The following ENTPD1 variants were observed in gnomAD, a reference collection of about 807,000 sequenced individuals.
ENTPD1 encodes ATP diphosphohydrolase.
In ENTPD1, 33 loss-of-function variants were observed where a neutral mutation model predicts 57.0. That is an observed-to-expected ratio of 0.58 (90% CI 0.44 to 0.77). The LOEUF (loss-of-function observed/expected upper bound fraction) is 0.77, where lower values mean the gene tolerates loss of function less well. Among genes scored for constraint, ENTPD1 ranks in the 30% least tolerant of loss-of-function variants. The probability of loss-of-function intolerance (pLI) is 0.00; values close to 1 mark genes in which losing one functional copy is unlikely to be tolerated. For missense variants in ENTPD1, 501 were observed against 603.4 expected (o/e 0.83, Z 1.78); for synonymous variants, 202 against 218.8 (o/e 0.92, Z 0.68).
At chr10:95,761,435 T>C (rs2098062168) in intron 1 of ENTPD1, among the ~76,000 whole-genome samples, 1 of 152,170 alleles carries the variant, frequency 6.6e-6, no homozygotes, top group Admixed American at 6.5e-5. Flanking sequence ...AGACCACACT[T>C]TGACTGGCAA....
intron 1 of ENTPD1, among the ~76,000 whole-genome samples, chr10:95,737,888 A>G (rs2097996366): frequency 6.6e-6 from 1 of 152,200 alleles, no homozygotes. Flanking sequence ...ATCTATAACT[A>G]TGATAGGTGG....
chr10:95,764,952 C>T (rs1038565742), intron 1 of ENTPD1, among the ~76,000 whole-genome samples: 1 of 152,074 alleles, frequency 6.6e-6, no homozygotes, highest in Admixed American at 6.5e-5. Flanking sequence ...GAACTCCTGA[C>T]CTCAGGTGAT....
intron 2 of ENTPD1, 148 bp downstream of exon 2, chr10:95,823,512 G>A: frequency 1.6e-6 from 2 of 1,226,520 alleles, no homozygotes; most frequent in Non-Finnish European, 2.3e-6. Flanking sequence ...GATTAGGGGA[G>A]TAAAATGGAA....
intron 1 of ENTPD1, among the ~76,000 whole-genome samples, chr10:95,745,943 C>T (rs1321057493): frequency 1.3e-5 from 2 of 152,198 alleles, no homozygotes; most frequent in East Asian, 1.9e-4. Flanking sequence ...AATAGGAAGA[C>T]ATGGGTGATC....
rs1762455568 is a variant in ENTPD1, at chr10:95,870,532, G to T, written c.*4149G>T. ...GCCCTCAAGCAATCCTCCTGCCTTG[G>T]CCTCCCAAAGTGTTGAGATTACAGG... On this transcript the variant is annotated 3_prime_UTR_variant, in exon 10 of 10. Transcript: ENST00000371205. 1 of 979,916 alleles carries T rather than the reference G, an allele frequency of 1.0e-6. No homozygotes were observed. The highest frequency in any genetic ancestry group is 1.2e-6 in the Non-Finnish European group (1 of 824,988). The allele number at this position is 979,916 out of a possible 1,614,324, so 60.7% of individuals were successfully genotyped here. A position where few individuals can be genotyped will look rare whatever the true frequency, so the allele number is the denominator to read the frequency against.
chr10:95,820,765 T>G (rs1431823644), intron 1 of ENTPD1, among the ~76,000 whole-genome samples: 3 of 152,276 alleles, frequency 2.0e-5, no homozygotes, highest in Non-Finnish European at 4.4e-5. Flanking sequence ...GCACATATTG[T>G]GACCTGAAAT....
chr10:95,722,245 T>TA (rs1555273520), intron 1 of ENTPD1, among the ~76,000 whole-genome samples: 3 of 151,554 alleles, frequency 2.0e-5, no homozygotes, highest in Non-Finnish European at 4.4e-5. Context: ...GTTTTTTTTT[T>TA]ATTATCCCAA....
In ENTPD1 at chr10:95,829,331, G is replaced by A. The variant is rs540729036; in HGVS notation, c.144+5967G>A. Among the ~76,000 whole-genome samples, 6 of 152,294 alleles carry A rather than the reference G, an allele frequency of 3.9e-5. 1 individual carries two copies. The South Asian group carries it at 1.2e-3, about 32-fold the overall frequency. On this transcript the variant is annotated intron_variant, in intron 2 of 9. Transcript: ENST00000371205. ...GTGAACTTTAGAATTGTCTGCCCTG[G>A]GGATTTATCCCCTGGTTCTCATTAT...
chr10:95,781,700 G>A (rs1037511440), intron 1 of ENTPD1, among the ~76,000 whole-genome samples: 5 of 152,182 alleles, frequency 3.3e-5, no homozygotes, highest in Admixed American at 6.6e-5. Context: ...AAGAGGGCCA[G>A]GACCTTGGTA....
At chr10:95,790,320 A>G (rs1434728928) in intron 1 of ENTPD1, among the ~76,000 whole-genome samples, 5 of 152,222 alleles carry the variant, frequency 3.3e-5, no homozygotes, top group Non-Finnish European at 5.9e-5. Context: ...ACCATATAAT[A>G]CATGTAAAAT....
At chr10:95,731,904 T>A (rs2097989717) in intron 1 of ENTPD1, among the ~76,000 whole-genome samples, 1 of 150,766 alleles carries the variant, frequency 6.6e-6, no homozygotes, top group African/African-American at 2.4e-5. Context: ...AGTCTCAGCT[T>A]CCCGAGTACC....
chr10:95,866,838 A>G lies in ENTPD1; in HGVS notation c.*455A>G. The G allele has an allele frequency of 9.5e-7, 1 of 1,050,878 alleles. No individual in the cohort carries two copies. The highest frequency in any genetic ancestry group is 1.2e-6 in the Non-Finnish European group (1 of 869,218). 65.1% of individuals were successfully genotyped at this position (1,050,878 alleles called of 1,614,324 possible). The stretch of plus-strand genomic sequence containing the variant: ...GTTTGCCATCCATTAAGAAAGCCAT[A>G]TGATGCCTTTGGAGAAGGCAGACAC... On this transcript the variant is annotated 3_prime_UTR_variant, in exon 10 of 10. Transcript: ENST00000371205.
intron 1 of ENTPD1, among the ~76,000 whole-genome samples, chr10:95,805,699 C>A (rs2098269216): frequency 6.6e-6 from 1 of 152,188 alleles, no homozygotes; most frequent in Non-Finnish European, 1.5e-5. Context: ...GTGACAAAAT[C>A]TCTCAGTGTT....
At chr10:95,782,929 G>A (rs1203843427) in intron 1 of ENTPD1, among the ~76,000 whole-genome samples, 1 of 152,110 alleles carries the variant, frequency 6.6e-6, no homozygotes, top group Non-Finnish European at 1.5e-5. Flanking sequence ...GAAGTAGAAG[G>A]CTTGGTTGAA....
intron 6 of ENTPD1, among the ~76,000 whole-genome samples, chr10:95,847,002 A>G (rs976208588): frequency 1.4e-4 from 21 of 150,420 alleles, no homozygotes; most frequent in African/African-American, 4.2e-4. Flanking sequence ...AAAAAAAATT[A>G]TTTTTCTTGG....
the ENTPD1 span, among the ~76,000 whole-genome samples, chr10:95,706,731 T>C: frequency 6.6e-6 from 1 of 152,314 alleles, no homozygotes; most frequent in South Asian, 2.1e-4. Flanking sequence ...TGCAGATTGG[T>C]CCATGGGTGG....
chr10:95,844,469 TG>T lies in ENTPD1; in HGVS notation c.414-6del. 6.2e-7 allele frequency: 1 copy of T among 1,614,008 alleles called. No individual in the cohort carries two copies. Among genetic ancestry groups the T allele is most frequent in the Non-Finnish European group, 8.5e-7 (1 of 1,179,914 alleles). On this transcript the variant is annotated splice_region_variant and splice_polypyrimidine_tract_variant and intron_variant, in intron 4 of 9. Coordinates refer to ENST00000371205, the MANE Select transcript of ENTPD1 (RefSeq NM_001776.6). ...AAAATGATAACCTCAGCTCTTCCTT[TG>T]TACAGGATGGAAAGTGAAGAGTTGG...
intron 3 of ENTPD1, among the ~76,000 whole-genome samples, chr10:95,840,933 G>A (rs1011852909): frequency 1.3e-5 from 2 of 152,190 alleles, no homozygotes; most frequent in South Asian, 4.1e-4. Flanking sequence ...CAAGAAAGTA[G>A]TAGAGAGGAG....
intron 3 of ENTPD1, among the ~76,000 whole-genome samples, chr10:95,841,900 T>C (rs2098423413): frequency 6.6e-6 from 1 of 152,194 alleles, no homozygotes; most frequent in Non-Finnish European, 1.5e-5. Flanking sequence ...ATCAGATAAC[T>C]AGTTAGTGGC....
Sources: gnomAD v4.1 joint callset for allele counts (sites outside exome capture counted in the v4.1 genomes callset) on GRCh38, gnomAD v4.1.1 for gene constraint, MANE v1.5 for transcripts, NCBI Gene and HGNC (gene_info 2026-07-23, HGNC 2026-07-21) for gene names.